Variants in PDE6B observed in about 807,000 individuals in gnomAD.
PDE6B encodes phosphodiesterase 6B.
Under a neutral mutation model 109.0 loss-of-function variants are expected in PDE6B, and 106 were observed. The ratio of observed to expected loss-of-function variants is 0.97; its 90% CI spans 0.83 to 1.14. The LOEUF (loss-of-function observed/expected upper bound fraction) is 1.14, where lower values mean the gene tolerates loss of function less well. Ranked by LOEUF, PDE6B falls within the 50% of genes most tolerant of loss-of-function variation. PDE6B has a pLI of 0.00. For missense variants in PDE6B, 1,193 were observed against 1,155.6 expected, an observed-to-expected ratio of 1.03 and a Z score of -0.47; for synonymous variants, 490 against 471.3, an observed-to-expected ratio of 1.04 and a Z score of -0.51.
intron 3 of PDE6B, among the ~76,000 whole-genome samples, chr4:650,695 G>A (rs1351553333): frequency 6.6e-6 from 1 of 152,200 alleles, no homozygotes; most frequent in Non-Finnish European, 1.5e-5. Flanking sequence ...CTGGCGTCTG[G>A]AGGCTGCGGA....
In PDE6B at chr4:635,821, C is replaced by T. The variant is rs73056580; in HGVS notation, c.622-59C>T. 52 of 906,586 alleles carry T rather than the reference C, an allele frequency of 5.7e-5. No individual in the cohort carries two copies. In the African/African-American group the frequency reaches 6.3e-4, roughly 11 times the overall value. 56.2% of individuals were successfully genotyped at this position (906,586 alleles called of 1,614,324 possible). The stretch of plus-strand genomic sequence containing the variant: ...GCATGTTTCTCCTGCAAAATACCCA[C>T]GGGGGCACATGTCTGAAAACTGGAA... On this transcript the variant is annotated intron_variant, in intron 2 of 21. Coordinates refer to ENST00000496514, the MANE Select transcript of PDE6B (RefSeq NM_000283.4).
chr4:639,201 G>A lies in PDE6B; in HGVS notation c.711+3232G>A, dbSNP rs1389248387. ...ACTCTGCTGCCCAGGCTGGAGTGCGGTGGTGCAATCATAGCTCACTGCAGC... is the reference window on the plus strand; with the variant it reads ...ACTCTGCTGCCCAGGCTGGAGTGCGATGGTGCAATCATAGCTCACTGCAGC... On this transcript the variant is annotated intron_variant, in intron 3 of 21. Coordinates refer to ENST00000496514, the MANE Select transcript of PDE6B (RefSeq NM_000283.4). Among the ~76,000 whole-genome samples the A allele has an allele frequency of 2.6e-5, 4 of 151,960 alleles. No homozygotes were observed. In the East Asian group the frequency reaches 7.7e-4, roughly 29 times the overall value.
intron 3 of PDE6B, among the ~76,000 whole-genome samples, chr4:646,853 C>G (rs74380992): frequency 0.016 from 2,434 of 151,806 alleles, 30 homozygotes; most frequent in Admixed American, 0.022. Context: ...TATTGATCAT[C>G]ATAATTTTCC....
chr4:641,438 G>GC (rs1734938778), intron 3 of PDE6B, among the ~76,000 whole-genome samples: 1 of 152,230 alleles, frequency 6.6e-6, no homozygotes, highest in South Asian at 2.1e-4. Flanking sequence ...GTCAGGCTGG[G>GC]CAGGGGGTCC....
At chr4:659,568 T>C (rs898753969) in intron 11 of PDE6B, among the ~76,000 whole-genome samples, 2 of 151,392 alleles carry the variant, frequency 1.3e-5, no homozygotes, top group African/African-American at 2.4e-5. Context: ...TGTGTGCACA[T>C]GTGGGTGTGT....
Position 654,103 on chromosome 4 carries a change from G to A in PDE6B, c.876G>A (p.Val292=). 6.2e-7 allele frequency: 1 copy of A among 1,613,842 alleles called. No individual in the cohort carries two copies. The highest frequency in any genetic ancestry group is 1.7e-5 in the Admixed American group (1 of 60,024). ...AGGAATTTTTTGACGTGTGGTCTGT[G>A]CTGATGGGAGAGTCCCAGCCGTACT... The part of the protein sequence containing the change: ...KEKEFFDVWS[V]LMGESQPYSG... Residue 292 remains valine (V), a synonymous_variant, in exon 5 of 22, where the codon GTG becomes GTA. Transcript: ENST00000496514.
rs368728168 is a variant in PDE6B, at chr4:663,238, C to T, written c.1920+51C>T. 3 of 1,036,576 alleles carry T rather than the reference C, an allele frequency of 2.9e-6. No homozygotes were observed. Among genetic ancestry groups the T allele is most frequent in the African/African-American group, 3.1e-5 (2 of 63,916 alleles). The allele number at this position is 1,036,576 out of a possible 1,614,324, so 64.2% of individuals were successfully genotyped here. On this transcript the variant is annotated intron_variant, in intron 15 of 21. Transcript: ENST00000496514. This position sits in a 1 kb window ranked among gnomAD's most constrained non-coding sequence, Gnocchi z 4.0. ...GCTGTGGGCGCTGGGGACGCAGCGT[C>T]CGCAGGACGGCAGGGCCGTATCCTG...
At chr4:637,562 T>G (rs1216858261) in intron 3 of PDE6B, among the ~76,000 whole-genome samples, 1 of 152,182 alleles carries the variant, frequency 6.6e-6, no homozygotes, top group African/African-American at 2.4e-5. Flanking sequence ...CATTGTGTAT[T>G]TCCTGCCCTG....
chr4:667,364 G>A (rs1737913350), intron 20 of PDE6B, among the ~76,000 whole-genome samples: 1 of 152,062 alleles, frequency 6.6e-6, no homozygotes, highest in Admixed American at 6.5e-5. Context: ...GTGGATATTT[G>A]GGCCTGAAGT....
At position 665,066 on chromosome 4, in the gene PDE6B, G is replaced by A. The variant is rs1012501697; in HGVS notation, c.2193+122G>A. On this transcript the variant is annotated intron_variant, in intron 18 of 21. Coordinates refer to ENST00000496514, the MANE Select transcript of PDE6B (RefSeq NM_000283.4). This position sits in a 1 kb window ranked among gnomAD's most constrained non-coding sequence, Gnocchi z 4.0. The stretch of plus-strand genomic sequence containing the variant: ...TGCAAGGAGCTCTGAGGGCCACCTC[G>A]GGGCCAGGCCAGGGCGGCAAGGATG... 44 of 898,704 alleles carry A rather than the reference G, an allele frequency of 4.9e-5. No individual in the cohort carries two copies. Among genetic ancestry groups the A allele is most frequent in the African/African-American group, 2.8e-4 (17 of 60,680 alleles). The allele number at this position is 898,704 out of a possible 1,614,324, so 55.7% of individuals were successfully genotyped here. A position where few individuals can be genotyped will look rare whatever the true frequency, so the allele number is the denominator to read the frequency against.
In PDE6B at chr4:666,393, A is replaced by G; in HGVS notation, c.2269-138A>G. The G allele has an allele frequency of 1.4e-6, 1 of 696,734 alleles. No individual in the cohort carries two copies. The highest frequency in any genetic ancestry group is 2.6e-6 in the Non-Finnish European group (1 of 379,038). 43.2% of individuals were successfully genotyped at this position (696,734 alleles called of 1,614,324 possible). A position where few individuals can be genotyped will look rare whatever the true frequency, so the allele number is the denominator to read the frequency against. On this transcript the variant is annotated intron_variant, in intron 19 of 21. Transcript: ENST00000496514. This position sits in a 1 kb window ranked among gnomAD's most constrained non-coding sequence, Gnocchi z 5.6. ...GAGGGTGTCAGCTTCCCCTCCCGAGAGCCAGTTTCTGTCAGGCAGGCTCGT... is the reference window on the plus strand; with the variant it reads ...GAGGGTGTCAGCTTCCCCTCCCGAGGGCCAGTTTCTGTCAGGCAGGCTCGT...
Position 662,872 on chromosome 4 carries a change from G to A in PDE6B, c.1833-228G>A, listed in dbSNP as rs892263178. On this transcript the variant is annotated intron_variant, in intron 14 of 21. Transcript: ENST00000496514. This position sits in a 1 kb window ranked among gnomAD's most constrained non-coding sequence, Gnocchi z 4.3. ...AAAAAAAAAAGCTGTGTATGGTGGCGCACACCTGTGGTCCCAGCTACTTAG... is the reference window on the plus strand; with the variant it reads ...AAAAAAAAAAGCTGTGTATGGTGGCACACACCTGTGGTCCCAGCTACTTAG... Among the ~76,000 whole-genome samples the A allele has an allele frequency of 1.3e-5, 2 of 150,116 alleles. No individual in the cohort carries two copies. Among genetic ancestry groups the A allele is most frequent in the South Asian group, 2.1e-4 (1 of 4,744 alleles).
intron 3 of PDE6B, among the ~76,000 whole-genome samples, chr4:644,667 C>T (rs138459162): frequency 0.014 from 2,085 of 152,036 alleles, 76 homozygotes; most frequent in African/African-American, 0.044. Context: ...GTAGCTGGGA[C>T]TACAGGCACA....
chr4:630,020 C>T (rs1366518280), intron 1 of PDE6B, among the ~76,000 whole-genome samples: 4 of 152,112 alleles, frequency 2.6e-5, no homozygotes, highest in Non-Finnish European at 5.9e-5. Context: ...GAAGCCCAGA[C>T]TGGACAGTGG....
At position 662,480 on chromosome 4, in the gene PDE6B, C is replaced by A; in HGVS notation, c.1723-29C>A. 1 of 1,457,418 alleles carries A rather than the reference C, an allele frequency of 6.9e-7. No individual in the cohort carries two copies. The allele number at this position is 1,457,418 out of a possible 1,614,324, so 90.3% of individuals were successfully genotyped here. A position where few individuals can be genotyped will look rare whatever the true frequency, so the allele number is the denominator to read the frequency against. ...CTCCCCACCCTGCTGGAGCCAGGAC[C>A]GGTGAGCAAGGTGGCCCTGTCTCTA... is the stretch of plus-strand genomic sequence containing the variant. On this transcript the variant is annotated intron_variant, in intron 13 of 21. Transcript: ENST00000496514. This position sits in a 1 kb window ranked among gnomAD's most constrained non-coding sequence, Gnocchi z 4.3.
rs374738973 is a variant in PDE6B, at chr4:654,042, C to T, written c.853-38C>T. On this transcript the variant is annotated intron_variant, in intron 4 of 21. Transcript: ENST00000496514. Reference sequence around the variant, plus strand: ...CCCCTGCCTGGCCCGACCCAGGTCCCGCAGTGACCGCCCCACCCTCACCTC... The same window carrying T: ...CCCCTGCCTGGCCCGACCCAGGTCCTGCAGTGACCGCCCCACCCTCACCTC... 1.6e-4 allele frequency: 260 copies of T among 1,613,562 alleles called. 3 individuals are homozygous for T. The East Asian group carries it at 1.8e-3, about 11-fold the overall frequency.
chr4:659,179 G>A (rs1018005603), intron 11 of PDE6B, among the ~76,000 whole-genome samples, 162 bp downstream of exon 11: 9 of 152,206 alleles, frequency 5.9e-5, no homozygotes, highest in African/African-American at 1.7e-4. Context: ...CTTAGTGTAC[G>A]TGTGTGTACA....
chr4:629,245 C>T (rs1000697415), intron 1 of PDE6B, among the ~76,000 whole-genome samples: 4 of 152,160 alleles, frequency 2.6e-5, no homozygotes, highest in Admixed American at 6.5e-5. Context: ...CTGTGCACCC[C>T]GGGCAGGGAC....
intron 3 of PDE6B, among the ~76,000 whole-genome samples, chr4:642,976 T>A (rs1735018646): frequency 6.6e-6 from 1 of 152,144 alleles, no homozygotes; most frequent in African/African-American, 2.4e-5. Context: ...ATTATTTTCA[T>A]ACATTGTTAA....
Sources: allele counts gnomAD v4.1 joint callset (sites outside exome capture counted in the v4.1 genomes callset), GRCh38; gene constraint gnomAD v4.1.1; non-coding constraint Gnocchi (gnomAD v3.1); transcripts MANE v1.5; gene names NCBI Gene and HGNC (gene_info 2026-07-23, HGNC 2026-07-21).